DRC9: variants seen among roughly 807,000 people sequenced by gnomAD.
DRC9 encodes dynein regulatory complex protein 9.
At chr3:197,954,771 G>C in the DRC9 span, among the ~76,000 whole-genome samples, 17 of 152,162 alleles carry the variant, frequency 1.1e-4, no homozygotes, top group Non-Finnish European at 2.5e-4. Context: ...GCCTCCCAGA[G>C]TGCTGGGATT....
chr3:197,928,956 CA>C, the DRC9 span, among the ~76,000 whole-genome samples: 6 of 152,308 alleles, frequency 3.9e-5, no homozygotes, highest in Non-Finnish European at 8.8e-5. Flanking sequence ...AAAAGTCTGG[CA>C]AAGGAGCAGG....
At chr3:197,914,030 A>G in the DRC9 span, 1 of 1,613,726 alleles carries the variant, frequency 6.2e-7, no homozygotes, top group Non-Finnish European at 8.5e-7. Context: ...TTAGCAATAT[A>G]CTCATTCTGA....
the DRC9 span, among the ~76,000 whole-genome samples, chr3:197,923,262 A>G: frequency 6.6e-6 from 1 of 152,132 alleles, no homozygotes; most frequent in East Asian, 1.9e-4. Context: ...AGGACTACAG[A>G]TGTGTACTAC....
At chr3:197,935,169 A>T in the DRC9 span, among the ~76,000 whole-genome samples, 1 of 152,080 alleles carries the variant, frequency 6.6e-6, no homozygotes. Flanking sequence ...GGCCGGGCGC[A>T]GTGGCTCATG....
chr3:197,932,890 A>ATATATATTATATATG, the DRC9 span, among the ~76,000 whole-genome samples: 19 of 119,862 alleles, frequency 1.6e-4, no homozygotes, highest in Admixed American at 3.4e-4. Flanking sequence ...TATATGTATA[A>ATATATATTATATATG]TATATGTATT....
chr3:197,905,678 G>A, the DRC9 span, among the ~76,000 whole-genome samples: 1 of 152,114 alleles, frequency 6.6e-6, no homozygotes, highest in Non-Finnish European at 1.5e-5. Context: ...AACTCGGGAG[G>A]CGGAGGCTGC....
the DRC9 span, among the ~76,000 whole-genome samples, chr3:197,892,137 G>A: frequency 2.0e-5 from 3 of 152,128 alleles, no homozygotes; most frequent in Non-Finnish European, 4.4e-5. Context: ...TGATCTGCTC[G>A]CCTCGGCCTC....
chr3:197,943,865 C>T, the DRC9 span: 1 of 1,613,776 alleles, frequency 6.2e-7, no homozygotes, highest in Non-Finnish European at 8.5e-7. Flanking sequence ...CCAGAACTGC[C>T]GAGATCCTCA....
chr3:197,956,774 C>G, the DRC9 span: 1 of 152,078 alleles, frequency 6.6e-6, no homozygotes, highest in African/African-American at 2.4e-5. Flanking sequence ...GGGCCACAGG[C>G]ATGTGCAGCC....
At chr3:197,941,186 TCTCTC>T in the DRC9 span, among the ~76,000 whole-genome samples, 1 of 128,198 alleles carries the variant, frequency 7.8e-6, no homozygotes, top group African/African-American at 2.9e-5. Flanking sequence ...CTCTCTCCCC[TCTCTC>T]CTCTGTCTCT....
At chr3:197,913,597 A>G in the DRC9 span, 2 of 562,616 alleles carry the variant, frequency 3.6e-6, no homozygotes, top group African/African-American at 1.9e-5. Flanking sequence ...AGTCAGAAAA[A>G]TGGTGATTGG....
At chr3:197,941,303 C>T in the DRC9 span, among the ~76,000 whole-genome samples, 1 of 109,700 alleles carries the variant, frequency 9.1e-6, no homozygotes, top group African/African-American at 4.4e-5. Flanking sequence ...TCTTTTCCTC[C>T]CTCCTTCCCT....
chr3:197,958,238 T>C, the DRC9 span: 1 of 152,258 alleles, frequency 6.6e-6, no homozygotes, highest in African/African-American at 2.4e-5. Flanking sequence ...TAAAATGTTT[T>C]TTCGGGGTCC....
the DRC9 span, among the ~76,000 whole-genome samples, chr3:197,890,324 G>T: frequency 6.6e-6 from 1 of 151,908 alleles, no homozygotes; most frequent in African/African-American, 2.4e-5. Context: ...AGGATCTCTT[G>T]AGCCCGGGAA....
At chr3:197,936,330 C>T in the DRC9 span, among the ~76,000 whole-genome samples, 1 of 151,986 alleles carries the variant, frequency 6.6e-6, no homozygotes, top group African/African-American at 2.4e-5. Context: ...ATTTTAAATT[C>T]ATAAAGAGTT....
At chr3:197,918,280 T>C in the DRC9 span, among the ~76,000 whole-genome samples, 5 of 144,354 alleles carry the variant, frequency 3.5e-5, no homozygotes, top group African/African-American at 1.3e-4. Context: ...TTTTTTTTTT[T>C]TTTGGTAGAG....
the DRC9 span, among the ~76,000 whole-genome samples, chr3:197,927,407 G>A: frequency 1.3e-5 from 2 of 152,254 alleles, no homozygotes; most frequent in Non-Finnish European, 1.5e-5. Context: ...TGTATTTTTA[G>A]TAGAGATGGG....
the DRC9 span, chr3:197,945,764 T>G: frequency 3.1e-6 from 2 of 645,284 alleles, no homozygotes; most frequent in Non-Finnish European, 5.5e-6. Context: ...ACCATTTCAT[T>G]AAGAGAAAAT....
chr3:197,897,744 C>G, the DRC9 span, among the ~76,000 whole-genome samples: 2 of 150,764 alleles, frequency 1.3e-5, no homozygotes, highest in Admixed American at 1.3e-4. Flanking sequence ...CGAATAAGAG[C>G]TTGACAAATT....
Sources: allele counts gnomAD v4.1 joint callset (sites outside exome capture counted in the v4.1 genomes callset), GRCh38; gene constraint gnomAD v4.1.1; transcripts MANE v1.5; gene names NCBI Gene and HGNC (gene_info 2026-07-23, HGNC 2026-07-21).